PTK7: variants seen among roughly 807,000 people sequenced by gnomAD.
PTK7 encodes protein tyrosine kinase 7 (inactive).
A neutral mutation model predicts 116.6 loss-of-function variants in PTK7; 39 were observed. That is an observed-to-expected ratio of 0.33 (90% CI 0.26 to 0.44). PTK7 has a LOEUF of 0.44. Ranked by LOEUF, PTK7 falls within the 20% of genes least tolerant of loss-of-function variation. PTK7 has a pLI of 1.00. For synonymous variants in PTK7, 546 were observed against 563.6 expected (o/e 0.97, Z 0.44); for missense variants, 1,169 against 1,425.6 (o/e 0.82, Z 2.90).
At chr6:43,144,202 C>G (rs1222185740) in intron 14 of PTK7, 6 of 526,540 alleles carry the variant, frequency 1.1e-5, no homozygotes, top group Non-Finnish European at 2.1e-5. Flanking sequence ...GATTAGATGT[C>G]TGCAGTTGGC....
At chr6:43,080,359 A>G (rs1195754881) in intron 1 of PTK7, among the ~76,000 whole-genome samples, 2 of 152,196 alleles carry the variant, frequency 1.3e-5, no homozygotes, top group African/African-American at 2.4e-5. Flanking sequence ...CTCAAAAAAA[A>G]CAAAAAAATC....
Position 43,129,652 on chromosome 6 carries a change from C to A in PTK7, c.368-75C>A. 1 of 1,309,454 alleles carries A rather than the reference C, an allele frequency of 7.6e-7. No individual in the cohort carries two copies. The highest frequency in any genetic ancestry group is 1.1e-6 in the Non-Finnish European group (1 of 906,834). The allele number at this position is 1,309,454 out of a possible 1,614,324, so 81.1% of individuals were successfully genotyped here. The stretch of plus-strand genomic sequence containing the variant: ...AGCCTCGAGGTTCCACGGCTTCCTG[C>A]TTGTCCTCCTTGCCCTCTGCCTTCC... On this transcript the variant is annotated intron_variant, in intron 2 of 19. Transcript: ENST00000230419. The surrounding 1 kb of genome is among the most constrained non-coding windows in gnomAD (Gnocchi z 4.5).
At chr6:43,121,094 G>C (rs1354224845) in intron 1 of PTK7, among the ~76,000 whole-genome samples, 1 of 148,246 alleles carries the variant, frequency 6.7e-6, no homozygotes, top group East Asian at 2.0e-4. Flanking sequence ...TTGCTCAGGC[G>C]GAACTCCTGG....
chr6:43,108,128 C>T (rs1767996853), intron 1 of PTK7, among the ~76,000 whole-genome samples: 1 of 150,180 alleles, frequency 6.7e-6, no homozygotes, highest in South Asian at 2.1e-4. Context: ...CAGTCTCGCC[C>T]TTGTTGCCCA....
intron 1 of PTK7, among the ~76,000 whole-genome samples, chr6:43,100,445 C>CTT (rs5875824): frequency 8.8e-5 from 13 of 148,550 alleles, no homozygotes; most frequent in African/African-American, 2.7e-4. Context: ...CTACTTGTAA[C>CTT]TTTTTTTTTA....
chr6:43,142,033 A>C lies in PTK7; in HGVS notation c.1871A>C (p.Gln624Pro). The C allele has an allele frequency of 6.2e-7, 1 of 1,613,882 alleles. No homozygotes were observed. The highest frequency in any genetic ancestry group is 8.5e-7 in the Non-Finnish European group (1 of 1,179,950). Reference protein sequence around the residue: ...EAQGDPKPLIQWKGKDRILDP... With the variant: ...EAQGDPKPLIPWKGKDRILDP... Reference sequence around the variant, plus strand: ...CAGGGGGACCCCAAGCCGCTGATTCAGTGGAAAGGCAAGGACCGCATCCTG... The same window carrying C: ...CAGGGGGACCCCAAGCCGCTGATTCCGTGGAAAGGCAAGGACCGCATCCTG... Residue 624 changes from glutamine (Q) to proline (P), a missense_variant, in exon 12 of 20, where the codon CAG (glutamine) becomes CCG (proline). This residue lies in a region of PTK7 where 678 missense variants were observed against 853.8 expected (regional missense o/e 0.79). Coordinates refer to ENST00000230419, the MANE Select transcript of PTK7 (RefSeq NM_002821.5).
At chr6:43,151,067 C>T (rs1183708278) in intron 17 of PTK7, among the ~76,000 whole-genome samples, 1 of 151,988 alleles carries the variant, frequency 6.6e-6, no homozygotes, top group Admixed American at 6.6e-5. Context: ...GTGATCCACC[C>T]ACCTTGGTCT....
chr6:43,143,397 C>G lies in PTK7; in HGVS notation c.2048-20C>G. ...TTTTGCTTAGCAGCCCCTGCCCAGACCCATCTGTGTGTCTCTCAGACAAGC... is the reference window on the plus strand; with the variant it reads ...TTTTGCTTAGCAGCCCCTGCCCAGAGCCATCTGTGTGTCTCTCAGACAAGC... On this transcript the variant is annotated intron_variant, in intron 13 of 19. Coordinates refer to ENST00000230419, the MANE Select transcript of PTK7 (RefSeq NM_002821.5). The surrounding 1 kb of genome is among the most constrained non-coding windows in gnomAD (Gnocchi z 4.2). 1.9e-6 allele frequency: 3 copies of G among 1,611,784 alleles called. No homozygotes were observed. The highest frequency in any genetic ancestry group is 2.5e-6 in the Non-Finnish European group (3 of 1,178,946).
chr6:43,124,120 C>T (rs887292626), intron 1 of PTK7, among the ~76,000 whole-genome samples: 35 of 151,974 alleles, frequency 2.3e-4, no homozygotes, highest in African/African-American at 8.2e-4. Context: ...GAGGCAGCCT[C>T]GGGAAGCCCA....
In PTK7 at chr6:43,160,863, C is replaced by G; in HGVS notation, c.3195C>G (p.Thr1065=). 4.3e-6 allele frequency: 7 copies of G among 1,614,024 alleles called. No homozygotes were observed. Among genetic ancestry groups the G allele is most frequent in the Non-Finnish European group, 5.9e-6 (7 of 1,180,030 alleles). ...SEIASALGDS[T]VDSKP is the part of the protein sequence containing the mutation. ...TTGCCAGCGCCCTGGGAGACAGCACCGTGGACAGCAAGCCGTGAGGAGGGA... is the reference window on the plus strand; with the variant it reads ...TTGCCAGCGCCCTGGGAGACAGCACGGTGGACAGCAAGCCGTGAGGAGGGA... Residue 1065 remains threonine (T), a synonymous_variant, in exon 20 of 20, where the codon ACC becomes ACG. Coordinates refer to ENST00000230419, the MANE Select transcript of PTK7 (RefSeq NM_002821.5).
chr6:43,119,150 G>T (rs1012593139), intron 1 of PTK7, among the ~76,000 whole-genome samples: 9 of 152,000 alleles, frequency 5.9e-5, no homozygotes, highest in South Asian at 2.1e-4. Flanking sequence ...GTGAGGCAGG[G>T]TTGGGTGCAG....
At chr6:43,153,038 G>A (rs760083240) in intron 17 of PTK7, among the ~76,000 whole-genome samples, 4 of 151,920 alleles carry the variant, frequency 2.6e-5, no homozygotes, top group Non-Finnish European at 5.9e-5. Context: ...CGCCTGCCTC[G>A]GCGTCCCAAA....
chr6:43,115,553 C>T (rs371451138), intron 1 of PTK7, among the ~76,000 whole-genome samples: 2 of 152,068 alleles, frequency 1.3e-5, no homozygotes, highest in African/African-American at 4.8e-5. Flanking sequence ...TTCCCCTTGT[C>T]TCCGGTGCAT....
intron 1 of PTK7, among the ~76,000 whole-genome samples, chr6:43,077,380 A>G (rs1390336970): frequency 6.6e-6 from 1 of 151,952 alleles, no homozygotes; most frequent in African/African-American, 2.4e-5. Flanking sequence ...GAAAGGAAGT[A>G]TTTCTAAGGG....
intron 17 of PTK7, among the ~76,000 whole-genome samples, chr6:43,157,343 TATATATA>T (rs1771508557): frequency 4.8e-5 from 2 of 41,558 alleles, no homozygotes; most frequent in African/African-American, 1.1e-4. Context: ...TATATATATA[TATATATA>T]TATATATATA....
chr6:43,147,529 A>T (rs1770795286), intron 17 of PTK7, among the ~76,000 whole-genome samples: 1 of 152,170 alleles, frequency 6.6e-6, no homozygotes, highest in African/African-American at 2.4e-5. Context: ...AAACCAAATC[A>T]GAGCTCAGGG....
chr6:43,105,015 GTTAGCCAGGA>G (rs1363368659), intron 1 of PTK7, among the ~76,000 whole-genome samples: 2 of 150,386 alleles, frequency 1.3e-5, no homozygotes, highest in African/African-American at 4.9e-5. Flanking sequence ...GTTTCACCGT[GTTAGCCAGGA>G]TGGTCTCGAT....
rs750425234 is a variant in PTK7, at chr6:43,076,521, C to G, written c.33C>G (p.Pro11=). The change falls in exon 1 of 20, where the codon CCC becomes CCG. Residue 11 remains proline, a synonymous_variant. Transcript: ENST00000230419. This position sits in a 1 kb window ranked among gnomAD's most constrained non-coding sequence, Gnocchi z 5.7. MGAARGSPAR[P]RRLPLLSVLL... Reference sequence around the variant, plus strand: ...CTGCGCGGGGATCCCCGGCCAGACCCCGCCGGTTGCCTCTGCTCAGCGTCC... The same window carrying G: ...CTGCGCGGGGATCCCCGGCCAGACCGCGCCGGTTGCCTCTGCTCAGCGTCC... 1.9e-6 allele frequency: 3 copies of G among 1,575,120 alleles called. No homozygotes were observed. The highest frequency in any genetic ancestry group is 2.5e-5 in the East Asian group (1 of 39,248).
Position 43,078,211 on chromosome 6 carries a change from T to A in PTK7, c.79+1644T>A, listed in dbSNP as rs3793019. ...TAAATTCCTTCCATGAGAAGATGAC[T>A]CTGATGTTAATTGACTTAATCTGGT... On this transcript the variant is annotated intron_variant, in intron 1 of 19. Coordinates refer to ENST00000230419, the MANE Select transcript of PTK7 (RefSeq NM_002821.5). Among the ~76,000 whole-genome samples, 8 of 152,192 alleles carry A rather than the reference T, an allele frequency of 5.3e-5. No homozygotes were observed. In the East Asian group the frequency reaches 1.5e-3, roughly 29 times the overall value.
Sources: gnomAD v4.1 joint callset for allele counts (sites outside exome capture counted in the v4.1 genomes callset) on GRCh38, gnomAD v4.1.1 for gene constraint, gnomAD v4.1.1 regional missense constraint, Gnocchi (gnomAD v3.1) non-coding constraint, MANE v1.5 for transcripts, NCBI Gene and HGNC (gene_info 2026-07-23, HGNC 2026-07-21) for gene names.